The following ROBO1 variants were observed in gnomAD, a reference collection of about 807,000 sequenced individuals.
ROBO1 encodes roundabout homolog 1.
A neutral mutation model predicts 195.9 loss-of-function variants in ROBO1; 149 were observed. The observed-to-expected ratio is 0.76, with a 90% CI of 0.67 to 0.87. The LOEUF is 0.87. Among genes scored for constraint, ROBO1 ranks in the 40% least tolerant of loss-of-function variants. ROBO1 has a pLI of 0.00. For missense variants in ROBO1, 1,933 were observed against 2,068.3 expected, an observed-to-expected ratio of 0.93 and a Z score of 1.27; for synonymous variants, 816 against 733.2, an observed-to-expected ratio of 1.11 and a Z score of -1.82.
intron 2 of ROBO1, among the ~76,000 whole-genome samples, chr3:79,248,558 T>C (rs893741542): frequency 3.3e-5 from 5 of 152,112 alleles, no homozygotes; most frequent in Non-Finnish European, 7.3e-5. Context: ...AGAAAGTTAT[T>C]GAAAGGTTTT....
At chr3:78,896,820 T>C (rs1218875288) in intron 4 of ROBO1, among the ~76,000 whole-genome samples, 1 of 152,142 alleles carries the variant, frequency 6.6e-6, no homozygotes, top group Non-Finnish European at 1.5e-5. Context: ...TGTGTTCATA[T>C]AGGTAAAAAA....
intron 1 of ROBO1, among the ~76,000 whole-genome samples, chr3:79,631,684 T>C (rs1468531062): frequency 6.6e-6 from 1 of 151,742 alleles, no homozygotes; most frequent in East Asian, 1.9e-4. Flanking sequence ...AAATAATCAA[T>C]AGAGTAAGGA....
intron 3 of ROBO1, among the ~76,000 whole-genome samples, chr3:78,989,338 G>A (rs2077183043): frequency 1.3e-5 from 2 of 152,162 alleles, no homozygotes; most frequent in African/African-American, 4.8e-5. Flanking sequence ...TTAAGGTCAG[G>A]CACGGGGGCT....
intron 2 of ROBO1, among the ~76,000 whole-genome samples, chr3:79,249,267 G>A (rs1321877824): frequency 1.3e-5 from 2 of 152,160 alleles, no homozygotes; most frequent in African/African-American, 4.8e-5. Flanking sequence ...AGCTGGGCAC[G>A]TGAACTGTTC....
chr3:79,026,480 G>A (rs1410910652), intron 3 of ROBO1, among the ~76,000 whole-genome samples: 2 of 151,948 alleles, frequency 1.3e-5, no homozygotes, highest in Admixed American at 1.3e-4. Context: ...TGCATTTTTA[G>A]TTCTATTTCT....
chr3:78,931,482 G>A (rs936965721), intron 4 of ROBO1, among the ~76,000 whole-genome samples: 9 of 151,824 alleles, frequency 5.9e-5, no homozygotes, highest in Non-Finnish European at 1.3e-4. Flanking sequence ...TTAACCTCAA[G>A]CGATCTGCCC....
chr3:79,654,662 T>C (rs754074753), intron 1 of ROBO1, among the ~76,000 whole-genome samples: 24 of 152,010 alleles, frequency 1.6e-4, no homozygotes, highest in Non-Finnish European at 2.8e-4. Context: ...ATTTTCAGAC[T>C]ACCTTTCTAA....
intron 1 of ROBO1, among the ~76,000 whole-genome samples, chr3:79,747,131 T>A (rs1418985375): frequency 2.0e-5 from 3 of 152,094 alleles, no homozygotes; most frequent in Non-Finnish European, 4.4e-5. Context: ...TAAATGTAAC[T>A]ATATTTTGCT....
chr3:79,335,202 C>T (rs1173923110), intron 2 of ROBO1, among the ~76,000 whole-genome samples: 1 of 152,134 alleles, frequency 6.6e-6, no homozygotes, highest in Non-Finnish European at 1.5e-5. Context: ...ATCTGTAGTA[C>T]AAATTTACTA....
intron 2 of ROBO1, among the ~76,000 whole-genome samples, chr3:79,550,296 A>G (rs1445776881): frequency 6.6e-6 from 1 of 152,116 alleles, no homozygotes; most frequent in Non-Finnish European, 1.5e-5. Context: ...TCTCATTTTT[A>G]TAAGAAGCAC....
intron 2 of ROBO1, among the ~76,000 whole-genome samples, chr3:79,204,787 C>T (rs1486497900): frequency 6.6e-6 from 1 of 152,086 alleles, no homozygotes; most frequent in Admixed American, 6.6e-5. Flanking sequence ...TCTTTAATTC[C>T]TAATGGGTTT....
chr3:78,626,095 G>T (rs1279814773), intron 26 of ROBO1, among the ~76,000 whole-genome samples: 1 of 152,012 alleles, frequency 6.6e-6, no homozygotes, highest in African/African-American at 2.4e-5. Context: ...GGTACCCTGA[G>T]AATAGAGACA....
In ROBO1 at chr3:78,895,430, T is replaced by C. The variant is rs7616599; in HGVS notation, c.499+43171A>G. Among the ~76,000 whole-genome samples the C allele has an allele frequency of 8.5e-3, 1,297 of 152,324 alleles. 24 individuals carry two copies. The highest frequency in any genetic ancestry group is 0.027 in the African/African-American group (1,120 of 41,576). The stretch of plus-strand genomic sequence containing the variant: ...TAAGTTTTTGAACTAAATCCTTGCT[T>C]ATAGAATATATTTTGAAATGCTATC... On this transcript the variant is annotated intron_variant, in intron 4 of 30. Coordinates refer to ENST00000464233, the MANE Select transcript of ROBO1 (RefSeq NM_002941.4).
intron 1 of ROBO1, among the ~76,000 whole-genome samples, chr3:79,721,014 G>A (rs1363895612): frequency 6.6e-6 from 1 of 152,038 alleles, no homozygotes; most frequent in Non-Finnish European, 1.5e-5. Flanking sequence ...CGATGGTCTC[G>A]ATCTCCTGAC....
At chr3:79,758,189 A>G (rs925633471) in intron 1 of ROBO1, among the ~76,000 whole-genome samples, 5 of 152,146 alleles carry the variant, frequency 3.3e-5, no homozygotes, top group Non-Finnish European at 5.9e-5. Context: ...TCTTCCCAAC[A>G]CTGTCCAATA....
chr3:79,519,798 ATCC>A (rs147342635), intron 2 of ROBO1, among the ~76,000 whole-genome samples: 1,666 of 152,088 alleles, frequency 0.011, 24 homozygotes, highest in African/African-American at 0.038. Context: ...CTTTCTTACA[ATCC>A]TCCTCTAGGC....
intron 2 of ROBO1, among the ~76,000 whole-genome samples, chr3:79,277,771 T>TA (rs1268040182): frequency 1.4e-5 from 2 of 143,484 alleles, no homozygotes; most frequent in Non-Finnish European, 3.0e-5. Flanking sequence ...TGCACAGAAA[T>TA]AAAAAATAAC....
chr3:78,790,429 T>C (rs1047440714), intron 4 of ROBO1, among the ~76,000 whole-genome samples: 47 of 152,174 alleles, frequency 3.1e-4, no homozygotes, highest in African/African-American at 1.1e-3. Flanking sequence ...GTACATGAGA[T>C]ATTCATCACT....
intron 1 of ROBO1, among the ~76,000 whole-genome samples, chr3:79,600,042 CA>C (rs1281198011): frequency 6.6e-6 from 1 of 151,694 alleles, no homozygotes; most frequent in Non-Finnish European, 1.5e-5. Context: ...AATTTTCAAA[CA>C]AAAGCAATTT....
Sources: gnomAD v4.1 joint callset for allele counts (sites outside exome capture counted in the v4.1 genomes callset) on GRCh38, gnomAD v4.1.1 for gene constraint, MANE v1.5 for transcripts, NCBI Gene and HGNC (gene_info 2026-07-23, HGNC 2026-07-21) for gene names.